The following CNGB1 variants were observed in gnomAD, a reference collection of about 807,000 sequenced individuals.
CNGB1 encodes the protein cyclic nucleotide-gated channel beta-1.
A neutral mutation model predicts 151.7 loss-of-function variants in CNGB1; 126 were observed. That is an observed-to-expected ratio of 0.83 (90% CI 0.72 to 0.96). The LOEUF (loss-of-function observed/expected upper bound fraction) is 0.96. CNGB1 is among the 40% of genes least tolerant of loss of function. The pLI, the probability that CNGB1 is intolerant of heterozygous loss-of-function variation, is 0.00. For synonymous variants in CNGB1, 623 were observed against 635.1 expected (o/e 0.98, Z 0.29); for missense variants, 1,698 against 1,627.0 (o/e 1.04, Z -0.75).
At chr16:57,958,921 C>CTTTTTTTTTTTTTT (rs10708381) in intron 10 of CNGB1, among the ~76,000 whole-genome samples, 1 of 119,872 alleles carries the variant, frequency 8.3e-6, no homozygotes, top group African/African-American at 3.1e-5. Context: ...TCATGCCCAG[C>CTTTTTTTTTTTTTT]TTTTTTTTTT....
intron 16 of CNGB1, 44 bp from the exon 17 acceptor site, chr16:57,931,922 G>T (rs1056614997): frequency 6.2e-7 from 1 of 1,609,170 alleles, no homozygotes; most frequent in Non-Finnish European, 8.5e-7. Context: ...AGAGACAAAA[G>T]CTGGGTCCCA....
intron 19 of CNGB1, 30 bp downstream of exon 19, chr16:57,920,357 C>T: frequency 6.2e-7 from 1 of 1,613,506 alleles, no homozygotes; most frequent in Non-Finnish European, 8.5e-7. Flanking sequence ...CATCCCCATC[C>T]AGGTAGACCC....
At chr16:57,939,207 A>G (rs1961594280) in intron 16 of CNGB1, among the ~76,000 whole-genome samples, 1 of 152,138 alleles carries the variant, frequency 6.6e-6, no homozygotes, top group Non-Finnish European at 1.5e-5. Context: ...CCTGGGCCTC[A>G]GTGAAATTCC....
intron 29 of CNGB1, among the ~76,000 whole-genome samples, chr16:57,899,176 A>T (rs1484563309): frequency 6.6e-6 from 1 of 152,210 alleles, no homozygotes; most frequent in African/African-American, 2.4e-5. Flanking sequence ...AACCGAATGC[A>T]TGCATGAATG....
intron 16 of CNGB1, among the ~76,000 whole-genome samples, chr16:57,936,204 T>C (rs1391216355): frequency 6.6e-6 from 1 of 152,114 alleles, no homozygotes; most frequent in East Asian, 1.9e-4. Flanking sequence ...CAGACAGCCC[T>C]CCCTCCACCC....
rs2149368050 is a variant in CNGB1, at chr16:57,923,399, G to A, written c.1536-19C>T. ...CTTCTTCCTGCAAAGACACAGATGT[G>A]GAAGGGGCCTTCAGCAAAGGCAGAG... On this transcript the variant is annotated intron_variant, in intron 17 of 32. Transcript: ENST00000251102. 6.3e-7 allele frequency: 1 copy of A among 1,599,680 alleles called. No homozygotes were observed. The highest frequency in any genetic ancestry group is 8.6e-7 in the Non-Finnish European group (1 of 1,168,258).
intron 16 of CNGB1, among the ~76,000 whole-genome samples, chr16:57,935,897 C>T (rs1203315721): frequency 3.3e-5 from 5 of 152,066 alleles, no homozygotes; most frequent in African/African-American, 1.2e-4. Context: ...ACCTCATCTC[C>T]TCTCTGTGCC....
intron 32 of CNGB1, among the ~76,000 whole-genome samples, chr16:57,885,519 T>C (rs1959893277): frequency 6.7e-6 from 1 of 149,908 alleles, no homozygotes; most frequent in African/African-American, 2.5e-5. Context: ...CCTTCCTTCC[T>C]TCCTTTTTTC....
chr16:57,968,766 C>T (rs1450010945), intron 1 of CNGB1, among the ~76,000 whole-genome samples: 1 of 151,820 alleles, frequency 6.6e-6, no homozygotes, highest in African/African-American at 2.4e-5. Context: ...GAGGCTCATG[C>T]CTGTGATCCC....
chr16:57,961,666 ATGAG>A lies in CNGB1; in HGVS notation c.459-755_459-752del, dbSNP rs748403990. Among the ~76,000 whole-genome samples, 394 of 143,974 alleles carry A rather than the reference ATGAG, an allele frequency of 2.7e-3. 3 individuals are homozygous for A. Among genetic ancestry groups the A allele is most frequent in the African/African-American group, 8.4e-3 (330 of 39,392 alleles). The allele number at this position is 143,974 out of a possible 152,430, so 94.5% of individuals were successfully genotyped here. Reference sequence around the variant, plus strand: ...AATGAATGAATGAATGAATGAATGAATGAGTGAATGAAGTGTGTGATTATATATA... The same window carrying A: ...AATGAATGAATGAATGAATGAATGAATGAATGAAGTGTGTGATTATATATA... On this transcript the variant is annotated intron_variant, in intron 7 of 32. Coordinates refer to ENST00000251102, the MANE Select transcript of CNGB1 (RefSeq NM_001297.5).
chr16:57,895,911 T>C (rs1960210313), intron 31 of CNGB1, among the ~76,000 whole-genome samples: 1 of 152,190 alleles, frequency 6.6e-6, no homozygotes, highest in Non-Finnish European at 1.5e-5. Context: ...ATCAAAATAA[T>C]GATTGTTAAC....
At chr16:57,941,121 A>G (rs1961656851) in intron 14 of CNGB1, among the ~76,000 whole-genome samples, 1 of 152,182 alleles carries the variant, frequency 6.6e-6, no homozygotes, top group South Asian at 2.1e-4. Context: ...TCAAATTAAT[A>G]TATCTTTATT....
At position 57,947,313 on chromosome 16, in the gene CNGB1, T is replaced by C. The variant is rs72782267; in HGVS notation, c.1121+2040A>G. The stretch of plus-strand genomic sequence containing the variant: ...TGGCAAATACAGGGGTTTTCCAGCC[T>C]GGGTGTTAGGTGTACAAGTTCAGCA... On this transcript the variant is annotated intron_variant, in intron 14 of 32. Coordinates refer to ENST00000251102, the MANE Select transcript of CNGB1 (RefSeq NM_001297.5). Among the ~76,000 whole-genome samples, 1,341 of 152,316 alleles carry C rather than the reference T, an allele frequency of 8.8e-3. 7 individuals carry two copies. The highest frequency in any genetic ancestry group is 0.014 in the Non-Finnish European group (983 of 68,020).
chr16:57,957,438 T>G, intron 11 of CNGB1, 61 bp from the exon 12 acceptor site: 1 of 1,473,970 alleles, frequency 6.8e-7, no homozygotes, highest in Non-Finnish European at 9.5e-7. Flanking sequence ...CCTCCCCGTT[T>G]CAGCCACACC....
At chr16:57,893,697 T>C (rs1483865480) in intron 31 of CNGB1, among the ~76,000 whole-genome samples, 1 of 151,882 alleles carries the variant, frequency 6.6e-6, no homozygotes, top group East Asian at 1.9e-4. Context: ...GCTATTGGGG[T>C]GGCTGAGGCA....
At chr16:57,905,297 G>C (rs1222937592) in intron 25 of CNGB1, among the ~76,000 whole-genome samples, 1 of 152,174 alleles carries the variant, frequency 6.6e-6, no homozygotes, top group Non-Finnish European at 1.5e-5. Context: ...GCAACATCAA[G>C]TTTGGACGAT....
chr16:57,927,597 C>A (rs1961224157), intron 17 of CNGB1, among the ~76,000 whole-genome samples: 1 of 152,216 alleles, frequency 6.6e-6, no homozygotes. Flanking sequence ...GGGCAGAGCC[C>A]AGCACATACA....
intron 9 of CNGB1, 99 bp from the exon 10 acceptor site, chr16:57,960,164 T>C (rs1367791163): frequency 5.3e-6 from 8 of 1,509,144 alleles, no homozygotes; most frequent in Non-Finnish European, 7.1e-6. Context: ...CTAACAGGAC[T>C]GAATGGGGAG....
intron 21 of CNGB1, 21 bp downstream of exon 21, chr16:57,917,247 C>G (rs768814851): frequency 6.2e-7 from 1 of 1,605,204 alleles, no homozygotes; most frequent in Non-Finnish European, 8.5e-7. Flanking sequence ...GTCACCCCAA[C>G]ACCACCTGCC....
Sources: gnomAD v4.1 joint callset for allele counts (sites outside exome capture counted in the v4.1 genomes callset) on GRCh38, gnomAD v4.1.1 for gene constraint, MANE v1.5 for transcripts, NCBI Gene and HGNC (gene_info 2026-07-23, HGNC 2026-07-21) for gene names.